Variants in CTNNA3 observed in about 807,000 individuals in gnomAD.
CTNNA3 encodes catenin alpha-3.
In CTNNA3, 76 loss-of-function variants were observed where a neutral mutation model predicts 95.7. The ratio of observed to expected loss-of-function variants is 0.79; its 90% confidence interval spans 0.66 to 0.96. The LOEUF is 0.96. Ranked by LOEUF, CTNNA3 falls within the 40% of genes least tolerant of loss-of-function variation. CTNNA3 has a pLI of 0.00. For synonymous variants in CTNNA3, 431 were observed against 374.4 expected (o/e 1.15, Z -1.74); for missense variants, 1,191 against 1,089.8 (o/e 1.09, Z -1.31).
chr10:66,492,221 C>A (rs2131938417), intron 11 of CTNNA3, among the ~76,000 whole-genome samples: 1 of 152,246 alleles, frequency 6.6e-6, no homozygotes, highest in Admixed American at 6.5e-5. Context: ...TCTAGAAACC[C>A]AGAGAAGAAA....
chr10:66,444,311 G>T (rs1025288504), intron 11 of CTNNA3, among the ~76,000 whole-genome samples: 2 of 151,976 alleles, frequency 1.3e-5, no homozygotes, highest in African/African-American at 4.8e-5. Flanking sequence ...TCAGATTCAG[G>T]AAATACAGAG....
At chr10:67,751,200 T>C (rs1032857486) in intron 1 of CTNNA3, 10 of 1,285,812 alleles carry the variant, frequency 7.8e-6, no homozygotes, top group Middle Eastern at 1.9e-4. Context: ...ATCCTCTCAT[T>C]TGGAGGACTA....
At chr10:67,265,455 C>A (rs1319215426) in intron 5 of CTNNA3, among the ~76,000 whole-genome samples, 1 of 152,106 alleles carries the variant, frequency 6.6e-6, no homozygotes, top group African/African-American at 2.4e-5. Context: ...GGATAACTTA[C>A]TTAGCAGGGA....
chr10:66,134,407 T>C (rs1416352575), intron 13 of CTNNA3, among the ~76,000 whole-genome samples: 1 of 152,148 alleles, frequency 6.6e-6, no homozygotes, highest in Non-Finnish European at 1.5e-5. Flanking sequence ...AGAAGTTCAT[T>C]ATTTGTAGAT....
chr10:65,933,111 A>G (rs1031269105), intron 17 of CTNNA3, among the ~76,000 whole-genome samples: 15 of 152,100 alleles, frequency 9.9e-5, no homozygotes, highest in Admixed American at 2.6e-4. Context: ...TAACTGTTCA[A>G]TTTGAATATC....
intron 1 of CTNNA3, among the ~76,000 whole-genome samples, chr10:67,724,082 A>C (rs1841195086): frequency 6.6e-6 from 1 of 152,202 alleles, no homozygotes; most frequent in Non-Finnish European, 1.5e-5. Flanking sequence ...AGTGACCCTG[A>C]TAATGCAAGC....
chr10:67,699,146 A>G (rs1841013083), upstream of CTNNA3, among the ~76,000 whole-genome samples: 1 of 152,116 alleles, frequency 6.6e-6, no homozygotes, highest in African/African-American at 2.4e-5. Flanking sequence ...ACACTGCATT[A>G]TCACCCTTTC....
intron 17 of CTNNA3, among the ~76,000 whole-genome samples, chr10:65,939,713 C>G (rs570610502): frequency 6.6e-6 from 1 of 152,066 alleles, no homozygotes; most frequent in East Asian, 1.9e-4. Flanking sequence ...TACCAACTTA[C>G]GTACATTATG....
chr10:67,058,003 G>T (rs995139639), intron 7 of CTNNA3, among the ~76,000 whole-genome samples: 2 of 152,106 alleles, frequency 1.3e-5, no homozygotes, highest in South Asian at 2.1e-4. Context: ...AAGTGATTGC[G>T]CAAAGTTCCC....
intron 17 of CTNNA3, among the ~76,000 whole-genome samples, chr10:65,962,158 C>T (rs1200653503): frequency 1.3e-5 from 2 of 152,032 alleles, no homozygotes; most frequent in Admixed American, 6.6e-5. Flanking sequence ...AAAATGGCAT[C>T]CAACATATTT....
chr10:66,731,533 C>A (rs1848959592), intron 9 of CTNNA3, among the ~76,000 whole-genome samples: 1 of 152,102 alleles, frequency 6.6e-6, no homozygotes, highest in African/African-American at 2.4e-5. Flanking sequence ...CTGTAAACTG[C>A]TGCAAAGCTG....
chr10:67,597,678 C>T (rs78276841), intron 3 of CTNNA3, among the ~76,000 whole-genome samples: 1 of 152,280 alleles, frequency 6.6e-6, no homozygotes, highest in Non-Finnish European at 1.5e-5. Flanking sequence ...AGGGTGCTGA[C>T]AAAAGCCCTT....
chr10:67,304,540 A>G (rs1282254098), intron 5 of CTNNA3, among the ~76,000 whole-genome samples: 1 of 152,148 alleles, frequency 6.6e-6, no homozygotes, highest in Non-Finnish European at 1.5e-5. Context: ...TGTCCTGCAA[A>G]TTTACCTCTT....
intron 11 of CTNNA3, among the ~76,000 whole-genome samples, chr10:66,381,831 T>C (rs894583967): frequency 6.6e-6 from 1 of 152,178 alleles, no homozygotes; most frequent in African/African-American, 2.4e-5. Context: ...ACAGAAAGCA[T>C]ATGTATATTA....
intron 11 of CTNNA3, among the ~76,000 whole-genome samples, chr10:66,485,074 G>A (rs1372495852): frequency 1.3e-5 from 2 of 151,956 alleles, no homozygotes; most frequent in Non-Finnish European, 2.9e-5. Context: ...ATGTATAGGA[G>A]GAATGTACCA....
chr10:66,846,517 TTTGA>T (rs546788579), intron 7 of CTNNA3, among the ~76,000 whole-genome samples: 621 of 152,092 alleles, frequency 4.1e-3, no homozygotes, highest in Non-Finnish European at 5.9e-3. Flanking sequence ...GATAGATATG[TTTGA>T]TTGTACAATC....
intron 5 of CTNNA3, among the ~76,000 whole-genome samples, chr10:67,520,806 T>C (rs373849149): frequency 2.6e-5 from 4 of 152,194 alleles, no homozygotes; most frequent in African/African-American, 9.7e-5. Flanking sequence ...CCAGTAATTC[T>C]AGACCATATC....
At chr10:67,336,910 C>T (rs1213399557) in intron 5 of CTNNA3, among the ~76,000 whole-genome samples, 1 of 152,128 alleles carries the variant, frequency 6.6e-6, no homozygotes, top group Non-Finnish European at 1.5e-5. Flanking sequence ...AGATTCCTTT[C>T]AAAATATTAC....
intron 1 of CTNNA3, among the ~76,000 whole-genome samples, chr10:67,652,582 G>A (rs1839907514): frequency 6.6e-6 from 1 of 152,098 alleles, no homozygotes; most frequent in Admixed American, 6.5e-5. Context: ...TCTCATCCCT[G>A]TCTTCCTACC....
Sources: gnomAD v4.1 joint callset for allele counts (sites outside exome capture counted in the v4.1 genomes callset) on GRCh38, gnomAD v4.1.1 for gene constraint, MANE v1.5 for transcripts, NCBI Gene and HGNC (gene_info 2026-07-23, HGNC 2026-07-21) for gene names.